Variants in SLC38A9 observed in about 807,000 individuals in gnomAD.
SLC38A9 encodes neutral amino acid transporter 9.
SLC38A9 carries 48 observed loss-of-function variants against 62.3 expected under a neutral mutation model. The observed-to-expected ratio is 0.77, with a 90% CI of 0.61 to 0.98. The LOEUF (loss-of-function observed/expected upper bound fraction) is 0.98. Ranked by LOEUF, SLC38A9 falls within the 50% of genes least tolerant of loss-of-function variation. The pLI is 0.00. For missense variants in SLC38A9, 541 were observed against 679.8 expected (o/e 0.80, Z 2.27); for synonymous variants, 204 against 227.7 (o/e 0.90, Z 0.94).
chr5:55,680,215 C>CA (rs1752785564), intron 3 of SLC38A9, among the ~76,000 whole-genome samples: 1 of 32,646 alleles, frequency 3.1e-5, no homozygotes, highest in Non-Finnish European at 1.1e-4. Context: ...GTGTATATAT[C>CA]TATATATATA....
rs890509035 is a variant in SLC38A9 at position 55,691,139 on chromosome 5, G to A, written c.113+6707C>T. The A allele has an allele frequency of 9.6e-6, 7 of 726,460 alleles. No individual in the cohort carries two copies. In the Admixed American group the frequency reaches 1.2e-4, roughly 12 times the overall value. 45.0% of individuals were successfully genotyped at this position (726,460 alleles called of 1,614,324 possible). ...CTTGGCTTATCAGAGCACCTGAAATGTTCTCAGTTAGAAAAATCTTGAAAC... is the reference window on the plus strand; with the variant it reads ...CTTGGCTTATCAGAGCACCTGAAATATTCTCAGTTAGAAAAATCTTGAAAC... On this transcript the variant is annotated intron_variant, in intron 3 of 15. Coordinates refer to ENST00000396865, the MANE Select transcript of SLC38A9 (RefSeq NM_173514.4).
At chr5:55,656,810 A>C (rs1044266063) in intron 8 of SLC38A9, 36 bp from the exon 9 acceptor site, 1 of 1,099,228 alleles carries the variant, frequency 9.1e-7, no homozygotes, top group Non-Finnish European at 1.3e-6. Flanking sequence ...TTAACACTGA[A>C]TGAAAGACAC....
chr5:55,701,582 C>A (rs190897061), intron 2 of SLC38A9, among the ~76,000 whole-genome samples: 1 of 152,250 alleles, frequency 6.6e-6, no homozygotes, highest in African/African-American at 2.4e-5. Context: ...TATCCTTATC[C>A]CCCTACACTG....
At chr5:55,643,358 T>C (rs989261245) in intron 12 of SLC38A9, among the ~76,000 whole-genome samples, 1 of 152,238 alleles carries the variant, frequency 6.6e-6, no homozygotes, top group African/African-American at 2.4e-5. Context: ...CTTTCTGTTA[T>C]TGATTTGTAT....
chr5:55,669,694 A>T (rs886189364), intron 5 of SLC38A9, 64 bp downstream of exon 5: 23 of 1,584,582 alleles, frequency 1.5e-5, no homozygotes, highest in South Asian at 2.3e-5. Flanking sequence ...ACAAAAATTT[A>T]AAAAACCAGT....
intron 12 of SLC38A9, among the ~76,000 whole-genome samples, 173 bp downstream of exon 12, chr5:55,645,616 T>C (rs1746198679): frequency 6.6e-6 from 1 of 152,254 alleles, no homozygotes; most frequent in African/African-American, 2.4e-5. Context: ...ATATTTATCA[T>C]CTGAACCTTT....
intron 4 of SLC38A9, among the ~76,000 whole-genome samples, chr5:55,670,614 TC>T (rs1751151703): frequency 1.3e-5 from 2 of 152,232 alleles, no homozygotes; most frequent in Admixed American, 6.5e-5. Flanking sequence ...TATTTTGACT[TC>T]CTAGACTCAT....
intron 12 of SLC38A9, 103 bp downstream of exon 12, chr5:55,645,686 C>A (rs1029693266): frequency 3.8e-6 from 3 of 784,054 alleles, no homozygotes; most frequent in Non-Finnish European, 6.2e-6. Context: ...GATCTTGTAA[C>A]AAAATTGCCT....
At chr5:55,657,639 A>G (rs16876934) in intron 8 of SLC38A9, among the ~76,000 whole-genome samples, 90,930 of 151,944 alleles carry the variant, frequency 0.6, 27,811 homozygotes, top group South Asian at 0.7. Flanking sequence ...ATCATTCTAC[A>G]GTGAAAGAGA....
chr5:55,679,099 GTCTT>G lies in SLC38A9; in HGVS notation c.114-6408_114-6405del, dbSNP rs1479215376. On this transcript the variant is annotated intron_variant, in intron 3 of 15. Transcript: ENST00000396865. Reference sequence around the variant, plus strand: ...TTAAAGTTAATTTTATCAAGATTATGTCTTTCTAATAATTAAAAATTTCTATTAT... The same window carrying G: ...TTAAAGTTAATTTTATCAAGATTATGTCTAATAATTAAAAATTTCTATTAT... Among the ~76,000 whole-genome samples the G allele has an allele frequency of 1.9e-4, 26 of 139,292 alleles. No homozygotes were observed. The South Asian group carries it at 5.7e-3, about 30-fold the overall frequency. 91.4% of individuals were successfully genotyped at this position (139,292 alleles called of 152,430 possible).
At chr5:55,705,395 A>G (rs1162681919) in intron 2 of SLC38A9, among the ~76,000 whole-genome samples, 1 of 151,540 alleles carries the variant, frequency 6.6e-6, no homozygotes, top group Non-Finnish European at 1.5e-5. Context: ...GTTTAAATCC[A>G]ATAAATCCTT....
chr5:55,694,113 TG>T, intron 3 of SLC38A9: 1 of 175,406 alleles, frequency 5.7e-6, no homozygotes, highest in South Asian at 1.2e-4. Context: ...GAGGCTGAAG[TG>T]GGAGGACTGC....
intron 2 of SLC38A9, among the ~76,000 whole-genome samples, chr5:55,707,430 T>G (rs966359418): frequency 6.6e-6 from 1 of 152,222 alleles, no homozygotes; most frequent in Non-Finnish European, 1.5e-5. Flanking sequence ...TATTCCAGCC[T>G]GGCCAACATA....
At chr5:55,700,976 C>T (rs570782852) in intron 2 of SLC38A9, among the ~76,000 whole-genome samples, 6 of 152,244 alleles carry the variant, frequency 3.9e-5, no homozygotes, top group African/African-American at 1.4e-4. Flanking sequence ...TAATCTTATG[C>T]AGTCTTATGG....
chr5:55,656,585 A>T, intron 9 of SLC38A9, 130 bp downstream of exon 9: 1 of 656,646 alleles, frequency 1.5e-6, no homozygotes, highest in Non-Finnish European at 2.7e-6. Flanking sequence ...CCAACAATTT[A>T]GTAGCAGCTC....
chr5:55,702,265 T>G (rs1486382652), intron 2 of SLC38A9, among the ~76,000 whole-genome samples: 1 of 149,952 alleles, frequency 6.7e-6, no homozygotes, highest in Non-Finnish European at 1.5e-5. Context: ...AGCATTAATT[T>G]TTTTTTTTTT....
Position 55,678,136 on chromosome 5 carries a change from T to C in SLC38A9, c.114-5441A>G, listed in dbSNP as rs886336451. On this transcript the variant is annotated intron_variant, in intron 3 of 15. Transcript: ENST00000396865. ...AACCACAAAAGGTGAACAAGGTTAC[T>C]GGTTTTTTTTTCTTTTTTTGAGACA... Among the ~76,000 whole-genome samples, 12 of 109,498 alleles carry C rather than the reference T, an allele frequency of 1.1e-4. 1 individual carries two copies. In the East Asian group the frequency reaches 2.6e-3, roughly 23 times the overall value. The allele number at this position is 109,498 out of a possible 152,430, so 71.8% of individuals were successfully genotyped here. A position where few individuals can be genotyped will look rare whatever the true frequency, so the allele number is the denominator to read the frequency against.
At chr5:55,695,398 G>C (rs1755362048) in intron 3 of SLC38A9, among the ~76,000 whole-genome samples, 1 of 91,150 alleles carries the variant, frequency 1.1e-5, no homozygotes, top group South Asian at 4.7e-4. Context: ...GGTTTTCCTA[G>C]GCAGAGGACC....
At chr5:55,659,860 G>A (rs1749161904) in intron 8 of SLC38A9, among the ~76,000 whole-genome samples, 1 of 151,740 alleles carries the variant, frequency 6.6e-6, no homozygotes, top group Non-Finnish European at 1.5e-5. Context: ...CCGCCCCCCA[G>A]GTTCATGCCA....
Sources: allele counts gnomAD v4.1 joint callset (sites outside exome capture counted in the v4.1 genomes callset), GRCh38; gene constraint gnomAD v4.1.1; transcripts MANE v1.5; gene names NCBI Gene and HGNC (gene_info 2026-07-23, HGNC 2026-07-21).